Variants in EEFSEC observed in about 807,000 individuals in gnomAD.
EEFSEC encodes the protein eukaryotic elongation factor, selenocysteine-tRNA specific, also known as selenocysteine-specific elongation factor.
A neutral mutation model predicts 42.1 loss-of-function variants in EEFSEC; 43 were observed. The observed-to-expected ratio is 1.02, with a 90% CI of 0.80 to 1.32. The LOEUF (loss-of-function observed/expected upper bound fraction) is 1.32. Among genes scored for constraint, EEFSEC ranks in the 40% most tolerant of loss-of-function variants. The probability of loss-of-function intolerance (pLI) is 0.00; values close to 1 mark genes in which losing one functional copy is unlikely to be tolerated. For synonymous variants in EEFSEC, 354 were observed against 339.1 expected, an observed-to-expected ratio of 1.04 and a Z score of -0.48; for missense variants, 745 against 803.6, an observed-to-expected ratio of 0.93 and a Z score of 0.88.
chr3:128,227,794 G>C (rs1446656524), intron 1 of EEFSEC, among the ~76,000 whole-genome samples: 1 of 152,124 alleles, frequency 6.6e-6, no homozygotes, highest in Non-Finnish European at 1.5e-5. Flanking sequence ...CTCTTAATCT[G>C]TAAAGCGGAT....
chr3:128,376,965 A>C (rs970074866), intron 6 of EEFSEC, among the ~76,000 whole-genome samples: 2 of 152,184 alleles, frequency 1.3e-5, no homozygotes, highest in Non-Finnish European at 2.9e-5. Flanking sequence ...GCAGCGGCAC[A>C]ATCTCTCACT....
intron 6 of EEFSEC, among the ~76,000 whole-genome samples, chr3:128,358,622 C>T (rs2067488094): frequency 6.6e-6 from 1 of 152,118 alleles, no homozygotes; most frequent in African/African-American, 2.4e-5. Flanking sequence ...GTTCCCACTG[C>T]ACCATTTACC....
chr3:128,195,908 G>A (rs564288715), intron 1 of EEFSEC, among the ~76,000 whole-genome samples: 16 of 152,344 alleles, frequency 1.1e-4, no homozygotes, highest in African/African-American at 3.8e-4. Flanking sequence ...GGAAGTGTTT[G>A]GACCCAAGAT....
chr3:128,267,769 T>C (rs1199513678), intron 4 of EEFSEC, among the ~76,000 whole-genome samples: 1 of 152,208 alleles, frequency 6.6e-6, no homozygotes. Flanking sequence ...GACTCACAGA[T>C]CCAAGCAACT....
chr3:128,195,611 G>C (rs528951324), intron 1 of EEFSEC, among the ~76,000 whole-genome samples: 4 of 152,136 alleles, frequency 2.6e-5, no homozygotes, highest in Non-Finnish European at 5.9e-5. Context: ...GCTGAGCCTC[G>C]TCTCCTCTCT....
At chr3:128,186,517 G>T (rs1237264155) in intron 1 of EEFSEC, among the ~76,000 whole-genome samples, 2 of 152,160 alleles carry the variant, frequency 1.3e-5, no homozygotes, top group African/African-American at 4.8e-5. Flanking sequence ...TTACATAGAT[G>T]CATACCTATG....
intron 6 of EEFSEC, among the ~76,000 whole-genome samples, chr3:128,401,089 A>G (rs1363988922): frequency 6.6e-6 from 1 of 152,120 alleles, no homozygotes; most frequent in African/African-American, 2.4e-5. Flanking sequence ...ACAGACGTAC[A>G]TGTAGCACAC....
intron 6 of EEFSEC, among the ~76,000 whole-genome samples, chr3:128,377,561 T>A (rs2067724270): frequency 6.6e-6 from 1 of 152,288 alleles, no homozygotes; most frequent in African/African-American, 2.4e-5. Context: ...GCCATTGTTT[T>A]CAATGCAGCG....
At chr3:128,255,081 A>C (rs74348623) in intron 2 of EEFSEC, among the ~76,000 whole-genome samples, 1 of 152,148 alleles carries the variant, frequency 6.6e-6, no homozygotes, top group African/African-American at 2.4e-5. Context: ...AGGCAGCCTG[A>C]TGGCAGATGG....
the EEFSEC span, among the ~76,000 whole-genome samples, chr3:128,424,828 G>A: frequency 7.2e-5 from 11 of 152,058 alleles, no homozygotes; most frequent in Non-Finnish European, 1.6e-4. Flanking sequence ...CTCCGGGACC[G>A]TGTCTCCCGC....
chr3:128,164,839 T>C (rs1376049683), intron 1 of EEFSEC, among the ~76,000 whole-genome samples: 2 of 152,106 alleles, frequency 1.3e-5, no homozygotes, highest in Non-Finnish European at 2.9e-5. Flanking sequence ...TGGCTTTTAG[T>C]GAGCTCCCTG....
At chr3:128,253,530 G>A (rs1428574241) in intron 2 of EEFSEC, among the ~76,000 whole-genome samples, 2 of 152,180 alleles carry the variant, frequency 1.3e-5, no homozygotes, top group African/African-American at 2.4e-5. Context: ...CTGGTACAGA[G>A]CAGGTCGCAG....
chr3:128,295,047 A>G (rs1374972807), intron 4 of EEFSEC, among the ~76,000 whole-genome samples: 1 of 152,180 alleles, frequency 6.6e-6, no homozygotes, highest in East Asian at 1.9e-4. Context: ...TGGCTGCACC[A>G]TGTGTGGTGT....
At chr3:128,172,560 A>C (rs2107778222) in intron 1 of EEFSEC, among the ~76,000 whole-genome samples, 1 of 152,266 alleles carries the variant, frequency 6.6e-6, no homozygotes. Flanking sequence ...TGACTGCCCA[A>C]AGTGCTGGGA....
chr3:128,157,879 A>G (rs937351718), intron 1 of EEFSEC, among the ~76,000 whole-genome samples: 2 of 152,246 alleles, frequency 1.3e-5, no homozygotes, highest in South Asian at 2.1e-4. Flanking sequence ...TTTAAGAAAT[A>G]TATTTCATAA....
At chr3:128,413,510 GC>G (rs2068188786), downstream of EEFSEC, among the ~76,000 whole-genome samples, 1 of 152,176 alleles carries the variant, frequency 6.6e-6, no homozygotes, top group Admixed American at 6.5e-5. Context: ...TGTCGGGCCG[GC>G]CCCGAACCCC....
At chr3:128,246,704 A>C in intron 1 of EEFSEC, 132 bp from the exon 2 acceptor site, 1 of 944,550 alleles carries the variant, frequency 1.1e-6, no homozygotes, top group East Asian at 2.4e-5. Context: ...GCCTGTAGCC[A>C]GAAGCTGTGT....
the EEFSEC span, among the ~76,000 whole-genome samples, chr3:128,414,497 C>G: frequency 6.6e-6 from 1 of 152,194 alleles, no homozygotes; most frequent in African/African-American, 2.4e-5. Flanking sequence ...CCCAAGGACT[C>G]CAGAGCTGGG....
At chr3:128,356,212 C>T (rs1175680533) in intron 5 of EEFSEC, among the ~76,000 whole-genome samples, 2 of 152,212 alleles carry the variant, frequency 1.3e-5, no homozygotes, top group Non-Finnish European at 2.9e-5. Context: ...AGGATACCTG[C>T]GTATATTATC....
Sources: gnomAD v4.1 joint callset for allele counts (sites outside exome capture counted in the v4.1 genomes callset) on GRCh38, gnomAD v4.1.1 for gene constraint, MANE v1.5 for transcripts, NCBI Gene and HGNC (gene_info 2026-07-23, HGNC 2026-07-21) for gene names.